Variants in ATL2 observed in about 807,000 individuals in gnomAD.
ATL2 encodes atlastin GTPase 2.
ATL2 carries 31 observed loss-of-function variants against 73.9 expected under a neutral mutation model. That is an observed-to-expected ratio of 0.42 (90% CI 0.32 to 0.57). ATL2 has a LOEUF of 0.57. Among genes scored for constraint, ATL2 ranks in the 20% least tolerant of loss-of-function variants. The probability of loss-of-function intolerance (pLI) is 0.14; values close to 1 mark genes in which losing one functional copy is unlikely to be tolerated. For missense variants in ATL2, 738 were observed against 702.6 expected, an observed-to-expected ratio of 1.05 and a Z score of -0.57; for synonymous variants, 291 against 237.5, an observed-to-expected ratio of 1.23 and a Z score of -2.07.
In ATL2 at chr2:38,309,375, C is replaced by G; in HGVS notation, c.1071+4G>C. 3 of 1,600,596 alleles carry G rather than the reference C, an allele frequency of 1.9e-6. No homozygotes were observed. The highest frequency in any genetic ancestry group is 2.5e-6 in the Non-Finnish European group (3 of 1,177,280). On this transcript the variant is annotated splice_donor_region_variant and intron_variant, in intron 9 of 12. Transcript: ENST00000378954. ...TAGACAAAACTGTTTAAGAGCTCAC[C>G]TACCTTAAAATATTCTACAAGATCT...
chr2:38,364,571 C>T (rs1671195725), intron 1 of ATL2, among the ~76,000 whole-genome samples: 1 of 152,248 alleles, frequency 6.6e-6, no homozygotes, highest in South Asian at 2.1e-4. Flanking sequence ...GAAACACTCA[C>T]TTTTCTTACA....
intron 1 of ATL2, among the ~76,000 whole-genome samples, chr2:38,370,790 C>CAAAAA (rs1185038574): frequency 3.3e-5 from 5 of 150,976 alleles, no homozygotes; most frequent in Admixed American, 6.6e-5. Flanking sequence ...CAAAACAAAA[C>CAAAAA]AAAAAAATCA....
chr2:38,355,298 T>A (rs753469908), intron 1 of ATL2, among the ~76,000 whole-genome samples: 4 of 152,146 alleles, frequency 2.6e-5, no homozygotes, highest in African/African-American at 9.7e-5. Flanking sequence ...AGCTAACTTC[T>A]GTATTTTTAG....
chr2:38,295,765 G>T lies in ATL2; in HGVS notation c.*229C>A. 2.6e-6 allele frequency: 1 copy of T among 380,860 alleles called. No individual in the cohort carries two copies. Among genetic ancestry groups the T allele is most frequent in the Non-Finnish European group, 4.7e-6 (1 of 210,838 alleles). 23.6% of individuals were successfully genotyped at this position (380,860 alleles called of 1,614,324 possible). A position where few individuals can be genotyped will look rare whatever the true frequency, so the allele number is the denominator to read the frequency against. On this transcript the variant is annotated 3_prime_UTR_variant, in exon 13 of 13. Coordinates refer to ENST00000378954, the MANE Select transcript of ATL2 (RefSeq NM_001135673.4). ...TAAAAGAGTTAAACATGGCACAAAG[G>T]TGCATGATTAACCAATGCTCCTCAG...
intron 2 of ATL2, among the ~76,000 whole-genome samples, chr2:38,329,442 A>AAAAAAAAAAAAAAAAAAAAAAAAAAAAC (rs1668857581): frequency 6.7e-6 from 1 of 148,420 alleles, no homozygotes; most frequent in Non-Finnish European, 1.5e-5. Context: ...AAAAAAAAAA[A>AAAAAAAAAAAAAAAAAAAAAAAAAAAAC]AAAAAAAAAG....
At chr2:38,316,918 T>G (rs1056395475) in intron 4 of ATL2, among the ~76,000 whole-genome samples, 1 of 152,058 alleles carries the variant, frequency 6.6e-6, no homozygotes, top group African/African-American at 2.4e-5. Flanking sequence ...TGTGCCATCT[T>G]GCAAGATCAG....
chr2:38,310,259 T>C (rs1667674433), intron 8 of ATL2, 50 bp downstream of exon 8: 1 of 1,592,224 alleles, frequency 6.3e-7, no homozygotes, highest in African/African-American at 1.4e-5. Flanking sequence ...TAAAAAACTT[T>C]CCACCTCTAA....
At chr2:38,298,844 T>A (rs1474717450) in intron 11 of ATL2, among the ~76,000 whole-genome samples, 2 of 152,176 alleles carry the variant, frequency 1.3e-5, no homozygotes, top group Admixed American at 1.3e-4. Flanking sequence ...CACTTGACCA[T>A]CATATACCAT....
intron 1 of ATL2, among the ~76,000 whole-genome samples, chr2:38,370,644 G>A (rs995787266): frequency 6.6e-6 from 1 of 152,002 alleles, no homozygotes; most frequent in East Asian, 1.9e-4. Flanking sequence ...GCGGGTGCCT[G>A]TAGTCCCAGC....
chr2:38,304,191 C>T (rs1265987197), intron 9 of ATL2, among the ~76,000 whole-genome samples: 1 of 152,160 alleles, frequency 6.6e-6, no homozygotes, highest in East Asian at 1.9e-4. Context: ...AGAGTTCCAA[C>T]ACATCTGGGA....
intron 2 of ATL2, among the ~76,000 whole-genome samples, chr2:38,334,624 G>C (rs1281310067): frequency 2.0e-5 from 3 of 151,140 alleles, no homozygotes; most frequent in Admixed American, 6.6e-5. Context: ...CTTGAACCTG[G>C]GAGGCGGAGG....
At chr2:38,318,726 TAATTA>T (rs1668162494) in intron 3 of ATL2, 87 bp from the exon 4 acceptor site, 1 of 1,344,068 alleles carries the variant, frequency 7.4e-7, no homozygotes, top group African/African-American at 1.5e-5. Flanking sequence ...TGAAAAGCAG[TAATTA>T]AATCAAGAAA....
chr2:38,296,659 A>T (rs753753910), intron 12 of ATL2: 1 of 1,582,712 alleles, frequency 6.3e-7, no homozygotes, highest in South Asian at 1.1e-5. Context: ...TTAAGACTAC[A>T]AGAATTTGAG....
At chr2:38,334,884 A>ATTTT (rs1427617691) in intron 2 of ATL2, among the ~76,000 whole-genome samples, 1 of 137,698 alleles carries the variant, frequency 7.3e-6, no homozygotes, top group East Asian at 2.0e-4. Context: ...TATATTATAT[A>ATTTT]ATATATAATA....
intron 2 of ATL2, among the ~76,000 whole-genome samples, chr2:38,331,306 C>G (rs754010995): frequency 6.6e-6 from 1 of 151,966 alleles, no homozygotes; most frequent in Non-Finnish European, 1.5e-5. Flanking sequence ...CATGGTGGCG[C>G]ACACCTGTAG....
At chr2:38,301,504 A>G (rs554983995) in intron 9 of ATL2, among the ~76,000 whole-genome samples, 109 of 152,312 alleles carry the variant, frequency 7.2e-4, no homozygotes, top group African/African-American at 2.5e-3. Context: ...GTCTTGAATC[A>G]CCTACACCAC....
At chr2:38,359,256 G>A (rs1007225627) in intron 1 of ATL2, among the ~76,000 whole-genome samples, 2 of 152,070 alleles carry the variant, frequency 1.3e-5, no homozygotes, top group Non-Finnish European at 2.9e-5. Context: ...GATCACCTGA[G>A]GTCAGGCGTT....
At position 38,295,999 on chromosome 2, in the gene ATL2, C is replaced by A. The variant is rs1205011370; in HGVS notation, c.1747G>T (p.Asp583Tyr). 2.6e-6 allele frequency: 4 copies of A among 1,546,492 alleles called. No individual in the cohort carries two copies. In the African/African-American group the frequency reaches 4.1e-5, roughly 16 times the overall value. The change falls in exon 13 of 13, where the codon GAC becomes TAC. Residue 583 changes from aspartate (D) to tyrosine (Y), a missense_variant. Asp to Tyr is a radical substitution (Grantham distance 160). Coordinates refer to ENST00000378954, the MANE Select transcript of ATL2 (RefSeq NM_001135673.4). The part of the protein sequence containing the change: ...QVSHHARLKT[D>Y] Reference sequence around the variant, plus strand: ...GTCCGTGAGGAGATGAACTGTCAGTCTGTCTTTAATCTGGCATGATGAGAC... The same window carrying A: ...GTCCGTGAGGAGATGAACTGTCAGTATGTCTTTAATCTGGCATGATGAGAC...
intron 1 of ATL2, among the ~76,000 whole-genome samples, chr2:38,347,756 T>A (rs370798852): frequency 6.7e-6 from 1 of 150,314 alleles, no homozygotes. Context: ...GAGTCTTACA[T>A]CTGCCCTTAC....
Sources: allele counts gnomAD v4.1 joint callset (sites outside exome capture counted in the v4.1 genomes callset), GRCh38; gene constraint gnomAD v4.1.1; transcripts MANE v1.5; gene names NCBI Gene and HGNC (gene_info 2026-07-23, HGNC 2026-07-21).